Variants in ADAM7 observed in about 807,000 individuals in gnomAD.
ADAM7 encodes ADAM metallopeptidase domain 7, also known as disintegrin and metalloproteinase domain-containing protein 7.
Under a neutral mutation model 102.9 loss-of-function variants are expected in ADAM7, and 97 were observed. That is an observed-to-expected ratio of 0.94 (90% confidence interval 0.80 to 1.12). ADAM7 has a LOEUF of 1.12. Among genes scored for constraint, ADAM7 ranks in the 50% most tolerant of loss-of-function variants. The pLI, the probability that ADAM7 is intolerant of heterozygous loss-of-function variation, is 0.00. For synonymous variants in ADAM7, 334 were observed against 304.4 expected (o/e 1.10, Z -1.01); for missense variants, 991 against 908.7 (o/e 1.09, Z -1.16).
intron 7 of ADAM7, 125 bp from the exon 8 acceptor site, chr8:24,476,305 AAGG>A: frequency 1.6e-6 from 1 of 634,296 alleles, no homozygotes; most frequent in South Asian, 2.6e-5. Flanking sequence ...AGCTGAATGA[AAGG>A]AGTTCTCTTT....
chr8:24,456,705 A>G (rs1040355479), intron 3 of ADAM7, among the ~76,000 whole-genome samples: 5 of 150,664 alleles, frequency 3.3e-5, no homozygotes, highest in Non-Finnish European at 5.9e-5. Flanking sequence ...ATCACACTAC[A>G]TGTACTCTTT....
chr8:24,500,621 T>C (rs562092086), intron 18 of ADAM7, among the ~76,000 whole-genome samples, 169 bp from the exon 19 acceptor site: 3 of 152,118 alleles, frequency 2.0e-5, no homozygotes, highest in South Asian at 2.1e-4. Context: ...AAATGATAAT[T>C]TGTATAATGT....
chr8:24,496,959 C>T (rs13248270), intron 16 of ADAM7, among the ~76,000 whole-genome samples: 43,081 of 151,958 alleles, frequency 0.28, 6,700 homozygotes, highest in South Asian at 0.39. Context: ...GGGCCAGGGA[C>T]GGAATGATGT....
chr8:24,486,991 A>G (rs1316979124), intron 10 of ADAM7, among the ~76,000 whole-genome samples, 196 bp from the exon 11 acceptor site: 2 of 152,200 alleles, frequency 1.3e-5, no homozygotes, highest in Non-Finnish European at 2.9e-5. Context: ...ATACTTAAAA[A>G]GTCACTTTCT....
At chr8:24,470,326 T>C (rs1200864415) in intron 7 of ADAM7, among the ~76,000 whole-genome samples, 1 of 152,118 alleles carries the variant, frequency 6.6e-6, no homozygotes, top group Non-Finnish European at 1.5e-5. Context: ...TTCTATGGAA[T>C]TTTAGATTAG....
chr8:24,491,510 T>A (rs954691043), intron 13 of ADAM7, among the ~76,000 whole-genome samples: 3 of 152,180 alleles, frequency 2.0e-5, no homozygotes, highest in Non-Finnish European at 4.4e-5. Flanking sequence ...TATGCAGGAA[T>A]CTGATTTATT....
chr8:24,463,756 T>C, intron 3 of ADAM7, 126 bp from the exon 4 acceptor site: 6 of 704,598 alleles, frequency 8.5e-6, no homozygotes, highest in Non-Finnish European at 1.4e-5. Flanking sequence ...GCTTTACTAT[T>C]TCTAGCGGAA....
chr8:24,452,070 C>G (rs1358825670), intron 3 of ADAM7, among the ~76,000 whole-genome samples: 2 of 152,108 alleles, frequency 1.3e-5, no homozygotes, highest in African/African-American at 4.8e-5. Flanking sequence ...TTACTTCCAA[C>G]TATGTGGTCA....
chr8:24,465,066 T>C (rs563417878), intron 4 of ADAM7, among the ~76,000 whole-genome samples: 1 of 152,348 alleles, frequency 6.6e-6, no homozygotes, highest in South Asian at 2.1e-4. Flanking sequence ...ATGACAGGCG[T>C]AATCTACCAT....
intron 7 of ADAM7, 79 bp from the exon 8 acceptor site, chr8:24,476,354 C>G (rs1819766367): frequency 1.9e-6 from 2 of 1,065,220 alleles, no homozygotes; most frequent in Non-Finnish European, 2.7e-6. Flanking sequence ...TTTGTAATAG[C>G]TGATGAATGA....
intron 2 of ADAM7, among the ~76,000 whole-genome samples, chr8:24,444,701 A>T: frequency 6.6e-6 from 1 of 152,150 alleles, no homozygotes; most frequent in South Asian, 2.1e-4. Flanking sequence ...AACACAAAAA[A>T]ACGAAAAAAC....
Position 24,466,959 on chromosome 8 carries a change from A to G in ADAM7, c.550A>G (p.Asn184Asp), listed in dbSNP as rs142174925. Residue 184 changes from asparagine to aspartate, a missense_variant, in exon 6 of 22, where the codon AAT becomes GAT. Physicochemically the swap from Asn to Asp is conservative, Grantham distance 23. Coordinates refer to ENST00000175238, the MANE Select transcript of ADAM7 (RefSeq NM_003817.4). Reference sequence around the variant, plus strand: ...TACCAGAAAAACTGTTCCAGGGGATAATGAATCTGAAGAAGACTCCAAAAT... The same window carrying G: ...TACCAGAAAAACTGTTCCAGGGGATGATGAATCTGAAGAAGACTCCAAAAT... Reference protein sequence around the residue: ...NFTRKTVPGDNESEEDSKIKG... With the variant: ...NFTRKTVPGDDESEEDSKIKG... 2 of 1,614,026 alleles carry G rather than the reference A, an allele frequency of 1.2e-6. No homozygotes were observed. The highest frequency in any genetic ancestry group is 1.7e-6 in the Non-Finnish European group (2 of 1,179,944).
At chr8:24,451,680 G>C (rs1818796646) in intron 3 of ADAM7, among the ~76,000 whole-genome samples, 1 of 150,786 alleles carries the variant, frequency 6.6e-6, no homozygotes, top group African/African-American at 2.4e-5. Context: ...GTTATTTCTT[G>C]CCTTCTGCTA....
rs142907504 is a variant in ADAM7, at chr8:24,465,738, G to A, written c.352G>A (p.Asp118Asn). ...CCAAGGATCCATAGTACACGAATAT[G>A]ATTCAGCTGCCAGTATCAGTACGTG... ...FYQGSIVHEYDSAASISTCNG... is the reference protein window; with the variant it reads ...FYQGSIVHEYNSAASISTCNG... Residue 118 changes from aspartate to asparagine, a missense_variant, in exon 5 of 22, where the codon GAT (aspartate) becomes AAT (asparagine). Asp to Asn is a conservative substitution (Grantham distance 23). Coordinates refer to ENST00000175238, the MANE Select transcript of ADAM7 (RefSeq NM_003817.4). 1,026 of 1,610,936 alleles carry A rather than the reference G, an allele frequency of 6.4e-4. 9 individuals carry two copies. In the African/African-American group the frequency reaches 0.013, roughly 20 times the overall value.
At chr8:24,480,141 T>C (rs1384425540) in intron 8 of ADAM7, among the ~76,000 whole-genome samples, 1 of 152,196 alleles carries the variant, frequency 6.6e-6, no homozygotes, top group Non-Finnish European at 1.5e-5. Context: ...TGCAATTATG[T>C]CTTTTATCAC....
chr8:24,508,766 A>C lies in ADAM7; in HGVS notation c.*220A>C. ...ATCATAAACATATGCTGCAGAAAAAAAATGTCTTGTGGTCTTTCAAATGCT... is the reference window on the plus strand; with the variant it reads ...ATCATAAACATATGCTGCAGAAAAACAATGTCTTGTGGTCTTTCAAATGCT... On this transcript the variant is annotated 3_prime_UTR_variant, in exon 22 of 22. Transcript: ENST00000175238. The C allele has an allele frequency of 7.4e-7, 1 of 1,360,092 alleles. No individual in the cohort carries two copies. The highest frequency in any genetic ancestry group is 9.5e-7 in the Non-Finnish European group (1 of 1,055,180). 84.3% of individuals were successfully genotyped at this position (1,360,092 alleles called of 1,614,324 possible). A position where few individuals can be genotyped will look rare whatever the true frequency, so the allele number is the denominator to read the frequency against.
At chr8:24,442,369 G>A (rs1367696825) in intron 1 of ADAM7, 104 bp from the exon 2 acceptor site, 11 of 804,974 alleles carry the variant, frequency 1.4e-5, no homozygotes, top group Non-Finnish European at 2.2e-5. Context: ...GTCCATGGCT[G>A]CTAACTGGGG....
At chr8:24,454,997 T>C (rs182701113) in intron 3 of ADAM7, among the ~76,000 whole-genome samples, 3 of 152,300 alleles carry the variant, frequency 2.0e-5, no homozygotes, top group Admixed American at 2.0e-4. Flanking sequence ...TGTATGTGCG[T>C]ATGAGTCACC....
chr8:24,489,091 G>A, intron 11 of ADAM7, 68 bp from the exon 12 acceptor site: 1 of 1,376,468 alleles, frequency 7.3e-7, no homozygotes, highest in Non-Finnish European at 9.7e-7. Context: ...TTCATAAAAT[G>A]CTCACAGCCA....
Sources: gnomAD v4.1 joint callset for allele counts (sites outside exome capture counted in the v4.1 genomes callset) on GRCh38, gnomAD v4.1.1 for gene constraint, MANE v1.5 for transcripts, NCBI Gene and HGNC (gene_info 2026-07-23, HGNC 2026-07-21) for gene names.